TBC1D9: variants seen among roughly 807,000 people sequenced by gnomAD.
TBC1D9 encodes TBC1 domain family member 9A.
A neutral mutation model predicts 132.0 loss-of-function variants in TBC1D9; 63 were observed. The ratio of observed to expected loss-of-function variants is 0.48; its 90% CI spans 0.39 to 0.59. The LOEUF (loss-of-function observed/expected upper bound fraction) is 0.59, where lower values mean the gene tolerates loss of function less well. TBC1D9 is among the 20% of genes least tolerant of loss of function. The pLI is 0.00. For missense variants in TBC1D9, 1,261 were observed against 1,592.7 expected (o/e 0.79, Z 3.54); for synonymous variants, 610 against 609.9 (o/e 1.00, Z 0.00).
At chr4:140,642,276 G>C in intron 13 of TBC1D9, 1 of 708,440 alleles carries the variant, frequency 1.4e-6, no homozygotes, top group Non-Finnish European at 2.5e-6. Flanking sequence ...GCTCACTTCG[G>C]AGGCAAACGC....
chr4:140,643,136 ATCCAGCACC>A (rs1737035724), intron 13 of TBC1D9: 1 of 1,431,810 alleles, frequency 7.0e-7, no homozygotes, highest in Non-Finnish European at 9.6e-7. Flanking sequence ...CCACGGGCCC[ATCCAGCACC>A]TCCCTCAGCA....
intron 15 of TBC1D9, among the ~76,000 whole-genome samples, chr4:140,637,145 T>A (rs1736893585): frequency 1.3e-5 from 2 of 151,754 alleles, no homozygotes; most frequent in African/African-American, 4.8e-5. Context: ...AGGTCAGGAG[T>A]TCGAGACCAG....
chr4:140,730,839 T>C (rs1439004119), intron 1 of TBC1D9, among the ~76,000 whole-genome samples: 1 of 152,248 alleles, frequency 6.6e-6, no homozygotes, highest in African/African-American at 2.4e-5. Flanking sequence ...GGAGCAAGTA[T>C]GAGGCACGAG....
intron 1 of TBC1D9, among the ~76,000 whole-genome samples, chr4:140,708,782 A>G (rs1269152296): frequency 6.6e-6 from 1 of 152,110 alleles, no homozygotes; most frequent in African/African-American, 2.4e-5. Flanking sequence ...TTCTATGGGT[A>G]AGGAGGTGGG....
chr4:140,703,496 G>A (rs1046292325), intron 1 of TBC1D9, among the ~76,000 whole-genome samples: 3 of 145,764 alleles, frequency 2.1e-5, no homozygotes, highest in Non-Finnish European at 4.4e-5. Context: ...TTTCTGTGGA[G>A]TGGGACAGGC....
chr4:140,678,840 T>C (rs1417101938), intron 5 of TBC1D9, 102 bp downstream of exon 5: 3 of 1,400,694 alleles, frequency 2.1e-6, no homozygotes, highest in African/African-American at 1.4e-5. Flanking sequence ...CAGAAGAGTG[T>C]TCAGAACCCT....
At chr4:140,696,046 T>A (rs981165456) in intron 2 of TBC1D9, among the ~76,000 whole-genome samples, 1 of 152,202 alleles carries the variant, frequency 6.6e-6, no homozygotes, top group Non-Finnish European at 1.5e-5. Flanking sequence ...ACTAGTGAAA[T>A]GAAATGGTCG....
At chr4:140,730,544 T>C (rs1424861588) in intron 1 of TBC1D9, among the ~76,000 whole-genome samples, 2 of 152,100 alleles carry the variant, frequency 1.3e-5, no homozygotes, top group African/African-American at 4.8e-5. Flanking sequence ...CTGGCCAACA[T>C]GGCAAAACCC....
chr4:140,639,737 A>G (rs1051378477), intron 13 of TBC1D9, among the ~76,000 whole-genome samples: 8 of 152,248 alleles, frequency 5.3e-5, no homozygotes, highest in African/African-American at 1.9e-4. Context: ...TCAAAGAAAG[A>G]ATCTTCTCAA....
At chr4:140,749,640 T>C (rs1022303118) in intron 1 of TBC1D9, among the ~76,000 whole-genome samples, 1 of 152,152 alleles carries the variant, frequency 6.6e-6, no homozygotes, top group Non-Finnish European at 1.5e-5. Context: ...CTGGCCAATA[T>C]AGTGAGACCC....
Position 140,679,078 on chromosome 4 carries a change from T to C in TBC1D9, c.715A>G (p.Asn239Asp), listed in dbSNP as rs1202738874. The C allele has an allele frequency of 4.3e-6, 7 of 1,613,828 alleles. No individual in the cohort carries two copies. The Admixed American group carries it at 1.0e-4, about 23-fold the overall frequency. Residue 239 changes from asparagine (N) to aspartate (D), a missense_variant, in exon 5 of 21, where the codon AAC becomes GAC. This residue lies in a region of TBC1D9 where 550 missense variants were observed against 699.0 expected (regional missense o/e 0.79). Coordinates refer to ENST00000442267, the MANE Select transcript of TBC1D9 (RefSeq NM_015130.3). ...TGCTCCATTAACTTGAAGGTCTCGT[T>C]GATGTTGAGGAATACAGAGAAGAAA... The part of the protein sequence containing the change: ...EHFFSVFLNI[N>D]ETFKLMEQLA...
intron 1 of TBC1D9, among the ~76,000 whole-genome samples, chr4:140,739,045 T>C (rs993875475): frequency 6.6e-5 from 10 of 152,100 alleles, no homozygotes; most frequent in Non-Finnish European, 1.5e-4. Flanking sequence ...GGAGTTTCGC[T>C]CTTGCTGCCC....
At chr4:140,671,673 A>ACT (rs914286588) in intron 6 of TBC1D9, among the ~76,000 whole-genome samples, 5 of 88,110 alleles carry the variant, frequency 5.7e-5, no homozygotes, top group Non-Finnish European at 8.0e-5. Flanking sequence ...GAACTACCAG[A>ACT]CTGTGTGTGT....
rs2110996901 is a variant in TBC1D9, at chr4:140,657,587, G to C, written c.2147C>G (p.Ala716Gly). The change falls in exon 12 of 21, where the codon GCA becomes GGA. Residue 716 changes from alanine (A) to glycine (G), a missense_variant. Transcript: ENST00000442267. Reference protein sequence around the residue: ...IFQLALAVLDANVDKLLNCKD... With the variant: ...IFQLALAVLDGNVDKLLNCKD... ...GCAGTTCAACAGTTTGTCCACATTT[G>C]CATCCAGCACAGCTAGGGCCAACTG... The C allele has an allele frequency of 6.2e-7, 1 of 1,613,942 alleles. No individual in the cohort carries two copies. Among genetic ancestry groups the C allele is most frequent in the Admixed American group, 1.7e-5 (1 of 60,018 alleles).
At position 140,699,687 on chromosome 4, in the gene TBC1D9, C is replaced by T. The variant is rs145217784; in HGVS notation, c.241+1817G>A. Among the ~76,000 whole-genome samples the T allele has an allele frequency of 4.0e-3, 608 of 152,042 alleles. 2 individuals are homozygous for T. Among genetic ancestry groups the T allele is most frequent in the African/African-American group, 0.013 (554 of 41,448 alleles). On this transcript the variant is annotated intron_variant, in intron 2 of 20. Transcript: ENST00000442267. The stretch of plus-strand genomic sequence containing the variant: ...CCAGAGGAGCCTAACGGGATATGAC[C>T]GACTAACTATAATGTTGTACCAGAT...
chr4:140,721,816 T>C, intron 1 of TBC1D9, among the ~76,000 whole-genome samples: 1 of 152,140 alleles, frequency 6.6e-6, no homozygotes, highest in East Asian at 1.9e-4. Flanking sequence ...CTAGAATTGT[T>C]CTCCTGTGAC....
chr4:140,662,741 A>G (rs1737383605), intron 9 of TBC1D9, among the ~76,000 whole-genome samples: 1 of 152,320 alleles, frequency 6.6e-6, no homozygotes, highest in South Asian at 2.1e-4. Context: ...AGAATCATCC[A>G]TTTGAGATAC....
At chr4:140,632,496 A>C (rs1349932184) in intron 16 of TBC1D9, among the ~76,000 whole-genome samples, 1 of 152,194 alleles carries the variant, frequency 6.6e-6, no homozygotes, top group African/African-American at 2.4e-5. Flanking sequence ...TAGTGAGAAA[A>C]GGATAAGCTT....
At chr4:140,671,332 A>G (rs1347988119) in intron 6 of TBC1D9, among the ~76,000 whole-genome samples, 5 of 152,176 alleles carry the variant, frequency 3.3e-5, no homozygotes, top group African/African-American at 9.7e-5. Context: ...CTCCACCACA[A>G]CGAAAGCCTG....
Sources: gnomAD v4.1 joint callset for allele counts (sites outside exome capture counted in the v4.1 genomes callset) on GRCh38, gnomAD v4.1.1 for gene constraint, gnomAD v4.1.1 regional missense constraint, MANE v1.5 for transcripts, NCBI Gene and HGNC (gene_info 2026-07-23, HGNC 2026-07-21) for gene names.